Variants in CD44 observed in about 807,000 individuals in gnomAD.
CD44 encodes the protein CD44 antigen.
Under a neutral mutation model 88.8 loss-of-function variants are expected in CD44, and 49 were observed. The ratio of observed to expected loss-of-function variants is 0.55; its 90% CI spans 0.44 to 0.70. CD44 has a LOEUF of 0.70. Among genes scored for constraint, CD44 ranks in the 30% least tolerant of loss-of-function variants. The pLI is 0.00. For missense variants in CD44, 883 were observed against 913.8 expected, an observed-to-expected ratio of 0.97 and a Z score of 0.43; for synonymous variants, 325 against 312.3, an observed-to-expected ratio of 1.04 and a Z score of -0.43.
At chr11:35,187,433 C>T (rs1025867919) in intron 4 of CD44, among the ~76,000 whole-genome samples, 7 of 152,162 alleles carry the variant, frequency 4.6e-5, no homozygotes, top group African/African-American at 1.7e-4. Flanking sequence ...TTGAAAACCA[C>T]TTTCACATTT....
chr11:35,144,313 G>A (rs1858647078), intron 1 of CD44, among the ~76,000 whole-genome samples: 1 of 152,228 alleles, frequency 6.6e-6, no homozygotes, highest in African/African-American at 2.4e-5. Flanking sequence ...TCTTGCGAAA[G>A]AATGAGCTGA....
intron 12 of CD44, among the ~76,000 whole-genome samples, chr11:35,208,793 T>C (rs1012020365): frequency 6.6e-6 from 1 of 152,208 alleles, no homozygotes; most frequent in Non-Finnish European, 1.5e-5. Context: ...ATTTCTACTC[T>C]ATGTGCAGGG....
intron 14 of CD44, chr11:35,212,997 T>A (rs1409193620): frequency 6.6e-6 from 1 of 151,726 alleles, no homozygotes; most frequent in Non-Finnish European, 1.5e-5. Flanking sequence ...CTAATTTTTT[T>A]ATTTTTAGTA....
rs144689531 is a variant in CD44 at position 35,206,666 on chromosome 11, T to TGG, written c.1414+424_1414+425dup. On this transcript the variant is annotated intron_variant, in intron 11 of 17. Coordinates refer to ENST00000428726, the MANE Select transcript of CD44 (RefSeq NM_000610.4). ...GAGAAAGGAAGTGGGTGGTGGGGGT[T>TGG]GGTGGGGGGGGCAGTTTTCCTAAGA... Among the ~76,000 whole-genome samples the TGG allele has an allele frequency of 1.4e-3, 160 of 115,782 alleles. 2 individuals carry two copies. The highest frequency in any genetic ancestry group is 4.1e-3 in the Middle Eastern group (1 of 242). The allele number at this position is 115,782 out of a possible 152,430, so 76.0% of individuals were successfully genotyped here.
intron 3 of CD44, among the ~76,000 whole-genome samples, chr11:35,185,796 A>G (rs1014765602): frequency 6.6e-6 from 1 of 152,250 alleles, no homozygotes; most frequent in African/African-American, 2.4e-5. Context: ...TTAGAGCTCA[A>G]TACAAGGTAT....
At position 35,207,341 on chromosome 11, in the gene CD44, TTGAC is replaced by T. The variant is rs374876330; in HGVS notation, c.1415-760_1415-757del. Among the ~76,000 whole-genome samples, 7 of 152,376 alleles carry T rather than the reference TTGAC, an allele frequency of 4.6e-5. No homozygotes were observed. In the East Asian group the frequency reaches 1.2e-3, roughly 25 times the overall value. On this transcript the variant is annotated intron_variant, in intron 11 of 17. Transcript: ENST00000428726. ...CCAGAGGCAGTGATGTGGATAGACTTTGACTGAATTGACAGCCAGAAATATCGAT... is the reference window on the plus strand; with the variant it reads ...CCAGAGGCAGTGATGTGGATAGACTTTGAATTGACAGCCAGAAATATCGAT...
chr11:35,216,457 G>A (rs974742704), intron 15 of CD44, among the ~76,000 whole-genome samples: 1 of 152,206 alleles, frequency 6.6e-6, no homozygotes, highest in Non-Finnish European at 1.5e-5. Context: ...CAAATATGAA[G>A]ATGGATATTT....
At chr11:35,142,481 G>C (rs559610644) in intron 1 of CD44, among the ~76,000 whole-genome samples, 13 of 152,158 alleles carry the variant, frequency 8.5e-5, no homozygotes, top group Non-Finnish European at 1.9e-4. Context: ...AGAGGAGAGC[G>C]TCTGAGAGCC....
At chr11:35,220,532 T>A (rs1949207158) in intron 16 of CD44, among the ~76,000 whole-genome samples, 1 of 152,174 alleles carries the variant, frequency 6.6e-6, no homozygotes, top group African/African-American at 2.4e-5. Context: ...AAGCCCTGGT[T>A]CATTGCACAC....
intron 1 of CD44, among the ~76,000 whole-genome samples, chr11:35,150,003 A>C (rs1344590880): frequency 6.6e-6 from 1 of 152,204 alleles, no homozygotes; most frequent in Non-Finnish European, 1.5e-5. Flanking sequence ...CACACAACTG[A>C]AACTGCAGGA....
intron 15 of CD44, among the ~76,000 whole-genome samples, chr11:35,218,112 T>C (rs1466042564): frequency 2.6e-5 from 4 of 151,868 alleles, no homozygotes; most frequent in African/African-American, 9.7e-5. Flanking sequence ...TTTAGAACCA[T>C]TGTGTCTCCC....
intron 1 of CD44, among the ~76,000 whole-genome samples, chr11:35,164,504 C>T (rs74561751): frequency 5.4e-4 from 82 of 152,234 alleles, no homozygotes; most frequent in Middle Eastern, 3.4e-3. Flanking sequence ...TTGGAGATGC[C>T]GTGGGCTGTG....
At chr11:35,187,568 C>T (rs960114849) in intron 4 of CD44, among the ~76,000 whole-genome samples, 3 of 152,148 alleles carry the variant, frequency 2.0e-5, no homozygotes, top group Admixed American at 6.5e-5. Context: ...ACCAACATCA[C>T]ATCGTAAATA....
chr11:35,208,718 C>T (rs186775093), intron 12 of CD44, among the ~76,000 whole-genome samples: 227 of 152,264 alleles, frequency 1.5e-3, no homozygotes, highest in Non-Finnish European at 2.7e-3. Context: ...GGAACAACAA[C>T]AACAACAAAA....
chr11:35,157,925 C>T (rs1009493936), intron 1 of CD44, among the ~76,000 whole-genome samples: 7 of 152,098 alleles, frequency 4.6e-5, no homozygotes, highest in East Asian at 3.8e-4. Flanking sequence ...CCCTCTGGGA[C>T]GTGTTTAGGG....
intron 5 of CD44, among the ~76,000 whole-genome samples, chr11:35,193,041 G>T (rs188568450): frequency 6.6e-6 from 1 of 152,220 alleles, no homozygotes; most frequent in East Asian, 1.9e-4. Context: ...AGGTGAGAAT[G>T]TGGTGTCTGT....
intron 3 of CD44, among the ~76,000 whole-genome samples, chr11:35,181,826 T>C (rs1228241140): frequency 9.4e-6 from 1 of 106,164 alleles, no homozygotes; most frequent in Non-Finnish European, 1.8e-5. Context: ...TAAATATATA[T>C]TATAAATATA....
At chr11:35,226,661 C>T (rs1370388854) in intron 17 of CD44, among the ~76,000 whole-genome samples, 1 of 152,060 alleles carries the variant, frequency 6.6e-6, no homozygotes, top group Non-Finnish European at 1.5e-5. Context: ...TATTTCCTTA[C>T]CCCTCATAAG....
At chr11:35,178,350 A>T (rs1215536719) in intron 2 of CD44, among the ~76,000 whole-genome samples, 1 of 152,208 alleles carries the variant, frequency 6.6e-6, no homozygotes, top group Non-Finnish European at 1.5e-5. Context: ...ACCTGGCCAA[A>T]CCCCTCACTT....
Sources: gnomAD v4.1 joint callset for allele counts (sites outside exome capture counted in the v4.1 genomes callset) on GRCh38, gnomAD v4.1.1 for gene constraint, MANE v1.5 for transcripts, NCBI Gene and HGNC (gene_info 2026-07-23, HGNC 2026-07-21) for gene names.